Variants in RNF121 observed in about 807,000 individuals in gnomAD.
RNF121 encodes the protein ring finger protein 121.
RNF121 carries 21 observed loss-of-function variants against 46.5 expected under a neutral mutation model. The ratio of observed to expected loss-of-function variants is 0.45; its 90% CI spans 0.32 to 0.65. The LOEUF is 0.65. RNF121 is among the 30% of genes least tolerant of loss of function. RNF121 has a pLI of 0.04. For synonymous variants in RNF121, 139 were observed against 144.7 expected (o/e 0.96, Z 0.28); for missense variants, 346 against 416.0 (o/e 0.83, Z 1.46).
chr11:71,982,588 A>C (rs944505326), intron 3 of RNF121, among the ~76,000 whole-genome samples, 173 bp from the exon 4 acceptor site: 4 of 152,172 alleles, frequency 2.6e-5, no homozygotes, highest in Admixed American at 2.0e-4. Flanking sequence ...AGGGAGGAGG[A>C]GTCAAATATG....
chr11:71,973,594 C>G (rs183769759), intron 3 of RNF121, among the ~76,000 whole-genome samples: 8 of 152,230 alleles, frequency 5.3e-5, no homozygotes, highest in African/African-American at 1.9e-4. Flanking sequence ...CAAGACCAGC[C>G]TGACCAACAT....
intron 1 of RNF121, among the ~76,000 whole-genome samples, chr11:71,948,095 A>G (rs1953769078): frequency 6.6e-6 from 1 of 152,214 alleles, no homozygotes; most frequent in Non-Finnish European, 1.5e-5. Flanking sequence ...CAGTGCATAT[A>G]GGAAAGAGTG....
intron 3 of RNF121, among the ~76,000 whole-genome samples, chr11:71,977,098 A>G (rs769423332): frequency 3.9e-5 from 6 of 151,992 alleles, no homozygotes; most frequent in Admixed American, 1.3e-4. Context: ...TTCTCAGCCT[A>G]TTTTCAAGCT....
intron 1 of RNF121, among the ~76,000 whole-genome samples, chr11:71,947,418 G>A (rs1457626545): frequency 1.3e-5 from 2 of 151,956 alleles, no homozygotes; most frequent in Non-Finnish European, 2.9e-5. Flanking sequence ...GAGCCCAGAA[G>A]GTTGAGACTG....
chr11:71,975,355 C>A (rs561220314), intron 3 of RNF121, among the ~76,000 whole-genome samples: 1 of 152,206 alleles, frequency 6.6e-6, no homozygotes, highest in Non-Finnish European at 1.5e-5. Flanking sequence ...ATTTCTCACA[C>A]CTTCCTCAAA....
chr11:71,964,511 C>T (rs866531221), intron 3 of RNF121, among the ~76,000 whole-genome samples: 1 of 151,760 alleles, frequency 6.6e-6, no homozygotes, highest in African/African-American at 2.4e-5. Context: ...TCTGATTGCC[C>T]ATACTGGAAT....
intron 7 of RNF121, 22 bp downstream of exon 7, chr11:71,994,874 G>T (rs1457049907): frequency 1.2e-6 from 2 of 1,613,804 alleles, no homozygotes; most frequent in Non-Finnish European, 1.7e-6. Context: ...CGAGCTCCTG[G>T]GCCACATCTC....
chr11:71,963,574 C>T (rs772932348), intron 3 of RNF121, among the ~76,000 whole-genome samples: 16 of 152,060 alleles, frequency 1.1e-4, no homozygotes, highest in Non-Finnish European at 1.6e-4. Flanking sequence ...GAGCCAAGAT[C>T]GCACCACTGC....
At chr11:71,966,966 G>A (rs2134184864) in intron 3 of RNF121, among the ~76,000 whole-genome samples, 1 of 149,222 alleles carries the variant, frequency 6.7e-6, no homozygotes, top group African/African-American at 2.4e-5. Flanking sequence ...CCGCTTCCCG[G>A]GTTCACGCCA....
Position 71,929,117 on chromosome 11 carries a change from T to C in RNF121, c.56T>C (p.Leu19Pro). 6.4e-7 allele frequency: 1 copy of C among 1,550,934 alleles called. No individual in the cohort carries two copies. The highest frequency in any genetic ancestry group is 1.2e-5 in the South Asian group (1 of 83,986). ...GGTGGTGCTGCTGGGGAACGGGAGCTGGATGAGGTAAGCGGAGTTGAGAGA... is the reference window on the plus strand; with the variant it reads ...GGTGGTGCTGCTGGGGAACGGGAGCCGGATGAGGTAAGCGGAGTTGAGAGA... ...VGGGAAGERE[L>P]DEVDMSDLSP... is the part of the protein sequence containing the mutation. The change falls in exon 1 of 9, where the codon CTG becomes CCG. Residue 19 changes from leucine to proline, a missense_variant. Physicochemically the swap from Leu to Pro is moderately conservative, Grantham distance 98. This residue lies in a region of RNF121 where 60 missense variants were observed against 32.2 expected (regional missense o/e 1.86). Coordinates refer to ENST00000361756, the MANE Select transcript of RNF121 (RefSeq NM_018320.5).
intron 3 of RNF121, among the ~76,000 whole-genome samples, chr11:71,966,639 G>T (rs189945457): frequency 6.6e-6 from 1 of 151,236 alleles, no homozygotes; most frequent in East Asian, 1.9e-4. Context: ...ACACCACCAC[G>T]CTTGGCTAAT....
chr11:71,961,462 G>A (rs1001489890), intron 3 of RNF121, among the ~76,000 whole-genome samples: 3 of 152,114 alleles, frequency 2.0e-5, no homozygotes, highest in African/African-American at 7.2e-5. Context: ...TGGGGAGGCT[G>A]AGAGGTGGGA....
At chr11:71,984,364 C>T (rs1954723069) in intron 4 of RNF121, among the ~76,000 whole-genome samples, 1 of 149,896 alleles carries the variant, frequency 6.7e-6, no homozygotes, top group Non-Finnish European at 1.5e-5. Context: ...CGTGCAAGCT[C>T]CGCCTCCTGG....
intron 5 of RNF121, among the ~76,000 whole-genome samples, chr11:71,988,221 G>A (rs1954804702): frequency 6.6e-6 from 1 of 152,068 alleles, no homozygotes; most frequent in African/African-American, 2.4e-5. Flanking sequence ...TAGCTTACAG[G>A]TCCTCCCACC....
At chr11:71,953,538 C>T (rs1329425445) in intron 1 of RNF121, among the ~76,000 whole-genome samples, 1 of 152,194 alleles carries the variant, frequency 6.6e-6, no homozygotes, top group East Asian at 1.9e-4. Context: ...CAGATTCTGA[C>T]TCAGGAGGTC....
chr11:71,960,259 G>A (rs897523644), intron 2 of RNF121, among the ~76,000 whole-genome samples: 3 of 152,162 alleles, frequency 2.0e-5, no homozygotes, highest in Non-Finnish European at 4.4e-5. Flanking sequence ...CAGAGAGGGT[G>A]GAATGAATAA....
At chr11:71,944,024 G>C (rs1292326236) in intron 1 of RNF121, among the ~76,000 whole-genome samples, 2 of 152,132 alleles carry the variant, frequency 1.3e-5, no homozygotes, top group African/African-American at 4.8e-5. Flanking sequence ...ATGATTAGCT[G>C]TAGAAGAGCT....
chr11:71,956,903 A>G (rs1254926531), intron 1 of RNF121, among the ~76,000 whole-genome samples: 2 of 152,254 alleles, frequency 1.3e-5, no homozygotes, highest in Non-Finnish European at 2.9e-5. Context: ...GCTAGTCTTT[A>G]TTATATAATA....
At chr11:71,970,094 C>A (rs1954387278) in intron 3 of RNF121, among the ~76,000 whole-genome samples, 1 of 152,074 alleles carries the variant, frequency 6.6e-6, no homozygotes, top group African/African-American at 2.4e-5. Context: ...GATGGATGAA[C>A]CTTGAAGACA....
Sources: gnomAD v4.1 joint callset for allele counts (sites outside exome capture counted in the v4.1 genomes callset) on GRCh38, gnomAD v4.1.1 for gene constraint, gnomAD v4.1.1 regional missense constraint, MANE v1.5 for transcripts, NCBI Gene and HGNC (gene_info 2026-07-23, HGNC 2026-07-21) for gene names.